The following EEFSEC variants were observed in gnomAD, a reference collection of about 807,000 sequenced individuals.
The protein encoded by EEFSEC is eukaryotic elongation factor, selenocysteine-tRNA specific.
EEFSEC carries 43 observed loss-of-function variants against 42.1 expected under a neutral mutation model. The ratio of observed to expected loss-of-function variants is 1.02; its 90% CI spans 0.80 to 1.32. The LOEUF (loss-of-function observed/expected upper bound fraction) is 1.32, where lower values mean the gene tolerates loss of function less well. Among genes scored for constraint, EEFSEC ranks in the 40% most tolerant of loss-of-function variants. EEFSEC has a pLI of 0.00. For synonymous variants in EEFSEC, 354 were observed against 339.1 expected (o/e 1.04, Z -0.48); for missense variants, 745 against 803.6 (o/e 0.93, Z 0.88).
At chr3:128,335,186 T>A (rs1426310039) in intron 4 of EEFSEC, among the ~76,000 whole-genome samples, 1 of 152,210 alleles carries the variant, frequency 6.6e-6, no homozygotes, top group Non-Finnish European at 1.5e-5. Flanking sequence ...CGCTGGGCAC[T>A]GCAGATAGAA....
At chr3:128,216,218 C>A (rs2065809434) in intron 1 of EEFSEC, among the ~76,000 whole-genome samples, 1 of 152,162 alleles carries the variant, frequency 6.6e-6, no homozygotes, top group Non-Finnish European at 1.5e-5. Flanking sequence ...TGAAACACTG[C>A]AAAAGTTATA....
At chr3:128,393,276 A>G (rs551990667) in intron 6 of EEFSEC, among the ~76,000 whole-genome samples, 58 of 152,290 alleles carry the variant, frequency 3.8e-4, no homozygotes, top group African/African-American at 1.3e-3. Context: ...AGAGCTGAGC[A>G]CCTTTCCAGG....
At chr3:128,173,850 G>T (rs960831664) in intron 1 of EEFSEC, among the ~76,000 whole-genome samples, 8 of 152,206 alleles carry the variant, frequency 5.3e-5, no homozygotes, top group Admixed American at 4.6e-4. Flanking sequence ...ATACTGCTGA[G>T]AGAATGGTGC....
chr3:128,194,171 G>A (rs751494157), intron 1 of EEFSEC, among the ~76,000 whole-genome samples: 4 of 152,192 alleles, frequency 2.6e-5, no homozygotes, highest in African/African-American at 4.8e-5. Flanking sequence ...TCATAAAAAA[G>A]ACAGGGTGCC....
intron 3 of EEFSEC, among the ~76,000 whole-genome samples, chr3:128,263,057 G>A (rs1225980428): frequency 6.6e-6 from 1 of 152,182 alleles, no homozygotes; most frequent in Admixed American, 6.5e-5. Context: ...GAGTTGTGAG[G>A]GTTAAATGAG....
chr3:128,275,216 A>G (rs1462111298), intron 4 of EEFSEC, among the ~76,000 whole-genome samples: 1 of 152,182 alleles, frequency 6.6e-6, no homozygotes, highest in African/African-American at 2.4e-5. Context: ...TCAGAGCCCC[A>G]GCTGGGAGTG....
intron 1 of EEFSEC, among the ~76,000 whole-genome samples, chr3:128,190,869 T>C (rs571441465): frequency 6.6e-6 from 1 of 152,388 alleles, no homozygotes; most frequent in Non-Finnish European, 1.5e-5. Flanking sequence ...GGGTTACAAT[T>C]GCCTGCAGTA....
chr3:128,306,882 T>C (rs2066833111), intron 4 of EEFSEC, among the ~76,000 whole-genome samples: 1 of 152,272 alleles, frequency 6.6e-6, no homozygotes, highest in African/African-American at 2.4e-5. Flanking sequence ...TTCTAAATTC[T>C]AAAATCTTTC....
At chr3:128,231,170 C>T (rs1371327123) in intron 1 of EEFSEC, among the ~76,000 whole-genome samples, 2 of 152,108 alleles carry the variant, frequency 1.3e-5, no homozygotes, top group Admixed American at 6.5e-5. Flanking sequence ...TTCCAAGCCT[C>T]AGATTTCTCA....
At chr3:128,204,244 C>G (rs1028360408) in intron 1 of EEFSEC, among the ~76,000 whole-genome samples, 1 of 152,160 alleles carries the variant, frequency 6.6e-6, no homozygotes, top group Non-Finnish European at 1.5e-5. Flanking sequence ...TTTACCTCAG[C>G]TTCTTATCTG....
intron 1 of EEFSEC, among the ~76,000 whole-genome samples, chr3:128,217,456 A>G (rs2065821386): frequency 6.6e-6 from 1 of 152,112 alleles, no homozygotes; most frequent in African/African-American, 2.4e-5. Flanking sequence ...AGAACCAAAG[A>G]CAGGAAAGAC....
intron 4 of EEFSEC, among the ~76,000 whole-genome samples, chr3:128,286,580 C>T (rs1477056650): frequency 6.6e-6 from 1 of 152,186 alleles, no homozygotes; most frequent in African/African-American, 2.4e-5. Flanking sequence ...GCTCCTGTGT[C>T]CTCTTGACAT....
At chr3:128,156,117 A>G (rs1463264477) in intron 1 of EEFSEC, among the ~76,000 whole-genome samples, 2 of 152,266 alleles carry the variant, frequency 1.3e-5, no homozygotes, top group East Asian at 1.9e-4. Flanking sequence ...GGTGAAGGAC[A>G]TACTTTTGGA....
At chr3:128,163,436 G>A (rs1311065602) in intron 1 of EEFSEC, among the ~76,000 whole-genome samples, 1 of 151,932 alleles carries the variant, frequency 6.6e-6, no homozygotes, top group African/African-American at 2.4e-5. Flanking sequence ...TAGGTCTAGG[G>A]CCAACCCAGA....
At chr3:128,259,228 C>T (rs1353869989) in intron 2 of EEFSEC, among the ~76,000 whole-genome samples, 1 of 152,142 alleles carries the variant, frequency 6.6e-6, no homozygotes, top group Non-Finnish European at 1.5e-5. Flanking sequence ...TAGAGCAAGC[C>T]TCAGTGTCAG....
intron 4 of EEFSEC, among the ~76,000 whole-genome samples, chr3:128,306,639 T>C (rs1264100301): frequency 6.6e-6 from 1 of 152,272 alleles, no homozygotes; most frequent in African/African-American, 2.4e-5. Flanking sequence ...AAAAACTTTT[T>C]GAACCTCAGT....
chr3:128,155,593 T>C (rs1189316507), intron 1 of EEFSEC, among the ~76,000 whole-genome samples: 1 of 152,240 alleles, frequency 6.6e-6, no homozygotes, highest in East Asian at 1.9e-4. Context: ...CCCCAGTACC[T>C]GATTACCTTT....
chr3:128,159,288 C>T (rs530560588), intron 1 of EEFSEC, among the ~76,000 whole-genome samples: 2 of 152,192 alleles, frequency 1.3e-5, no homozygotes, highest in Non-Finnish European at 2.9e-5. Context: ...AACTCCGCCA[C>T]CCCTAACCTG....
In EEFSEC at chr3:128,301,860, G is replaced by A. The variant is rs997323730; in HGVS notation, c.786+37079G>A. On this transcript the variant is annotated intron_variant, in intron 4 of 6. Coordinates refer to ENST00000254730, the MANE Select transcript of EEFSEC (RefSeq NM_021937.5). ...CCTGGGAGAAAGAACTCCCATGGGG[G>A]GCAGGAAATGAGGCTCAGTGGAAGA... 2.0e-5 allele frequency among the ~76,000 whole-genome samples: 3 copies of A among 152,218 alleles called. No individual in the cohort carries two copies. The South Asian group carries it at 6.2e-4, about 32-fold the overall frequency.
Sources: allele counts gnomAD v4.1 joint callset (sites outside exome capture counted in the v4.1 genomes callset), GRCh38; gene constraint gnomAD v4.1.1; transcripts MANE v1.5; gene names NCBI Gene and HGNC (gene_info 2026-07-23, HGNC 2026-07-21).